NTN1: variants seen among roughly 807,000 people sequenced by gnomAD.
NTN1 encodes netrin-1.
In NTN1, 11 loss-of-function variants were observed where a neutral mutation model predicts 54.2. The observed-to-expected ratio is 0.20, with a 90% CI of 0.13 to 0.34. The LOEUF (loss-of-function observed/expected upper bound fraction) is 0.34, where lower values mean the gene tolerates loss of function less well. Ranked by LOEUF, NTN1 falls within the 10% of genes least tolerant of loss-of-function variation. The pLI, the probability that NTN1 is intolerant of heterozygous loss-of-function variation, is 1.00. For synonymous variants in NTN1, 371 were observed against 382.0 expected (o/e 0.97, Z 0.33); for missense variants, 740 against 893.1 (o/e 0.83, Z 2.18).
At chr17:9,051,576 T>A (rs139563208) in intron 2 of NTN1, among the ~76,000 whole-genome samples, 20 of 152,350 alleles carry the variant, frequency 1.3e-4, no homozygotes, top group African/African-American at 4.8e-4. Context: ...ACAAAAATTG[T>A]ATGTATTTAC....
the NTN1 span, among the ~76,000 whole-genome samples, chr17:9,007,484 TTC>T: frequency 4.9e-3 from 744 of 151,220 alleles, 6 homozygotes; most frequent in African/African-American, 0.017. Context: ...CATTCATTCA[TTC>T]TTTCTTTCTC....
intron 2 of NTN1, among the ~76,000 whole-genome samples, chr17:9,026,313 A>C (rs1254294599): frequency 6.6e-6 from 1 of 151,242 alleles, no homozygotes; most frequent in Admixed American, 6.6e-5. Context: ...TGTTGTTTCA[A>C]GGTCAAGCTT....
chr17:9,091,982 C>G (rs550655245), intron 2 of NTN1, among the ~76,000 whole-genome samples: 1 of 151,586 alleles, frequency 6.6e-6, no homozygotes, highest in Non-Finnish European at 1.5e-5. Flanking sequence ...TCGGTGACTC[C>G]CGGGTTCAAG....
chr17:9,169,855 A>G (rs534573450), intron 3 of NTN1, among the ~76,000 whole-genome samples: 71 of 152,220 alleles, frequency 4.7e-4, no homozygotes, highest in African/African-American at 1.4e-3. Context: ...ACAGGGCGAG[A>G]CTCCGTCTCA....
At chr17:9,071,986 T>C (rs555681050) in intron 2 of NTN1, among the ~76,000 whole-genome samples, 1 of 152,042 alleles carries the variant, frequency 6.6e-6, no homozygotes, top group African/African-American at 2.4e-5. Context: ...TGGGGAGGGG[T>C]GAGAGATGCT....
the NTN1 span, among the ~76,000 whole-genome samples, chr17:9,014,135 C>T: frequency 7.2e-4 from 110 of 152,310 alleles, 2 homozygotes; most frequent in African/African-American, 2.5e-3. Flanking sequence ...AAATGGATAT[C>T]TCCAGGAACG....
At chr17:9,192,068 A>G (rs1317984594) in intron 5 of NTN1, among the ~76,000 whole-genome samples, 7 of 152,106 alleles carry the variant, frequency 4.6e-5, no homozygotes, top group African/African-American at 1.4e-4. Context: ...GGAAGCAGGT[A>G]CCCACCTACT....
intron 2 of NTN1, among the ~76,000 whole-genome samples, chr17:9,062,734 A>G (rs2092002659): frequency 6.6e-6 from 1 of 152,242 alleles, no homozygotes; most frequent in Non-Finnish European, 1.5e-5. Flanking sequence ...GAGAAAGCTC[A>G]GAAAAATAGC....
chr17:9,031,803 AC>A, intron 2 of NTN1, among the ~76,000 whole-genome samples: 1 of 152,054 alleles, frequency 6.6e-6, no homozygotes, highest in South Asian at 2.1e-4. Context: ...AAACAAACAA[AC>A]AAAAAAAACT....
chr17:9,021,784 A>C (rs2091848914), intron 1 of NTN1, among the ~76,000 whole-genome samples, 199 bp downstream of exon 1: 1 of 151,734 alleles, frequency 6.6e-6, no homozygotes. Context: ...GCCTGCTAGC[A>C]GCGAGCGAGA....
intron 2 of NTN1, among the ~76,000 whole-genome samples, chr17:9,157,229 T>G (rs2092345424): frequency 6.6e-6 from 1 of 152,258 alleles, no homozygotes; most frequent in East Asian, 1.9e-4. Context: ...CAGAGAATTT[T>G]CTGACATGAG....
intron 2 of NTN1, among the ~76,000 whole-genome samples, chr17:9,070,828 G>A (rs1180274583): frequency 6.6e-6 from 1 of 151,720 alleles, no homozygotes; most frequent in Non-Finnish European, 1.5e-5. Flanking sequence ...CTGACCTCAG[G>A]TGATCTGCCC....
rs915480013 is a variant in NTN1, at chr17:9,221,105, G to A, written c.1412-63G>A. On this transcript the variant is annotated intron_variant, in intron 5 of 6. Coordinates refer to ENST00000173229, the MANE Select transcript of NTN1 (RefSeq NM_004822.3). The surrounding 1 kb of genome is among the most constrained non-coding windows in gnomAD (Gnocchi z 4.5). ...AGGGAGGCGGCCTCCTACTCTGCCC[G>A]CCAGCCTATTCATCGCCAGCCTAAT... The A allele has an allele frequency of 1.2e-5, 14 of 1,205,964 alleles. No homozygotes were observed. The highest frequency in any genetic ancestry group is 3.6e-5 in the South Asian group (3 of 82,780). 74.7% of individuals were successfully genotyped at this position (1,205,964 alleles called of 1,614,324 possible).
rs747493721 is a variant in NTN1 at position 9,221,263 on chromosome 17, C to G, written c.1486+21C>G. 6.3e-7 allele frequency: 1 copy of G among 1,595,042 alleles called. No homozygotes were observed. Among genetic ancestry groups the G allele is most frequent in the Non-Finnish European group, 8.6e-7 (1 of 1,163,334 alleles). On this transcript the variant is annotated intron_variant, in intron 6 of 6. Transcript: ENST00000173229. This position sits in a 1 kb window ranked among gnomAD's most constrained non-coding sequence, Gnocchi z 4.5. ...CTATGGTGAGTGAGAGTCCCCTTGT[C>G]TGGGGAGGATGGGAGGGGGCCACGT... is the stretch of plus-strand genomic sequence containing the variant.
intron 2 of NTN1, among the ~76,000 whole-genome samples, chr17:9,162,472 C>T (rs1015650471): frequency 6.6e-6 from 1 of 152,220 alleles, no homozygotes; most frequent in East Asian, 1.9e-4. Context: ...TCCTCATCTC[C>T]TCTTCCTACA....
chr17:9,011,613 C>T, the NTN1 span, among the ~76,000 whole-genome samples: 44 of 152,118 alleles, frequency 2.9e-4, no homozygotes, highest in Middle Eastern at 3.4e-3. Context: ...TTTTTTGAGA[C>T]GGAGCCTGGC....
intron 2 of NTN1, among the ~76,000 whole-genome samples, chr17:9,159,917 A>T (rs1275186372): frequency 6.6e-6 from 1 of 152,196 alleles, no homozygotes; most frequent in East Asian, 1.9e-4. Context: ...CAGAGCACAA[A>T]TATATATGTT....
chr17:9,133,899 C>CTTTTTTT (rs71361867), intron 2 of NTN1, among the ~76,000 whole-genome samples: 1 of 85,444 alleles, frequency 1.2e-5, no homozygotes, highest in Non-Finnish European at 2.2e-5. Context: ...TGGGCCTAGC[C>CTTTTTTT]TTTTTTTTTT....
At chr17:9,119,399 GCT>G (rs2092225167) in intron 2 of NTN1, among the ~76,000 whole-genome samples, 1 of 152,080 alleles carries the variant, frequency 6.6e-6, no homozygotes, top group African/African-American at 2.4e-5. Context: ...TGTTGGCCAG[GCT>G]GGTCTTGAAC....
Sources: gnomAD v4.1 joint callset for allele counts (sites outside exome capture counted in the v4.1 genomes callset) on GRCh38, gnomAD v4.1.1 for gene constraint, Gnocchi (gnomAD v3.1) non-coding constraint, MANE v1.5 for transcripts, NCBI Gene and HGNC (gene_info 2026-07-23, HGNC 2026-07-21) for gene names.